The following TSPAN9 variants were observed in gnomAD, a reference collection of about 807,000 sequenced individuals.
TSPAN9 encodes tetraspanin-9.
Under a neutral mutation model 31.0 loss-of-function variants are expected in TSPAN9, and 16 were observed. That is an observed-to-expected ratio of 0.52 (90% CI 0.35 to 0.78). The LOEUF is 0.78. Ranked by LOEUF, TSPAN9 falls within the 30% of genes least tolerant of loss-of-function variation. TSPAN9 has a pLI of 0.01. For missense variants in TSPAN9, 272 were observed against 312.5 expected (o/e 0.87, Z 0.98); for synonymous variants, 145 against 121.6 (o/e 1.19, Z -1.27).
chr12:3,282,877 C>CTCTGTTCA (rs1388381133), intron 8 of TSPAN9, among the ~76,000 whole-genome samples, 168 bp from the exon 9 acceptor site: 5 of 152,226 alleles, frequency 3.3e-5, no homozygotes, highest in African/African-American at 9.7e-5. Flanking sequence ...CCAGGGTGAC[C>CTCTGTTCA]TCTGTTCACG....
At chr12:3,190,101 T>G (rs1257355517) in intron 2 of TSPAN9, among the ~76,000 whole-genome samples, 1 of 152,174 alleles carries the variant, frequency 6.6e-6, no homozygotes, top group Admixed American at 6.5e-5. Context: ...CACTGCCTTC[T>G]TCCACATTGG....
intron 2 of TSPAN9, among the ~76,000 whole-genome samples, chr12:3,138,564 C>T (rs1168382124): frequency 6.6e-6 from 1 of 151,718 alleles, no homozygotes; most frequent in African/African-American, 2.4e-5. Context: ...CTCAAGTGAT[C>T]CTCCCTCCTC....
In TSPAN9 at chr12:3,209,755, C is replaced by T. The variant is rs372191574; in HGVS notation, c.63+8499C>T. 2.4e-4 allele frequency among the ~76,000 whole-genome samples: 36 copies of T among 151,406 alleles called. No individual in the cohort carries two copies. In the East Asian group the frequency reaches 3.1e-3, roughly 13 times the overall value. ...CGGGCGGATCACGAGGTCAGGAGAT[C>T]GAGACCATCCTGGCTAACACGGTGA... is the stretch of plus-strand genomic sequence containing the variant. On this transcript the variant is annotated intron_variant, in intron 3 of 8. Coordinates refer to ENST00000011898, the MANE Select transcript of TSPAN9 (RefSeq NM_006675.5).
At chr12:3,079,263 GCCAC>G (rs2098296641) in intron 1 of TSPAN9, among the ~76,000 whole-genome samples, 1 of 151,112 alleles carries the variant, frequency 6.6e-6, no homozygotes, top group Admixed American at 6.6e-5. Context: ...ATAGGCGTGA[GCCAC>G]CGCATTGGCT....
At chr12:3,252,410 G>A (rs542939576) in intron 3 of TSPAN9, among the ~76,000 whole-genome samples, 1 of 152,360 alleles carries the variant, frequency 6.6e-6, no homozygotes, top group East Asian at 1.9e-4. Context: ...GCAGGTGTGT[G>A]CACAGGCCTG....
At position 3,278,564 on chromosome 12, in the gene TSPAN9, C is replaced by A. The variant is rs371616982; in HGVS notation, c.207C>A (p.Phe69Leu). 12 of 1,614,202 alleles carry A rather than the reference C, an allele frequency of 7.4e-6. No individual in the cohort carries two copies. The highest frequency in any genetic ancestry group is 1.0e-5 in the Non-Finnish European group (12 of 1,180,032). ...AIGTIVMVTG[F>L]LGCLGAIKEN... ...GCACCATTGTCATGGTGACGGGCTT[C>A]CTCGGCTGCCTGGGGGCCATCAAGG... The change falls in exon 4 of 9, where the codon TTC becomes TTA. Residue 69 changes from phenylalanine (F) to leucine (L), a missense_variant. Physicochemically the swap from Phe to Leu is conservative, Grantham distance 22. Coordinates refer to ENST00000011898, the MANE Select transcript of TSPAN9 (RefSeq NM_006675.5).
At chr12:3,239,533 T>A (rs112729800) in intron 3 of TSPAN9, among the ~76,000 whole-genome samples, 3 of 152,290 alleles carry the variant, frequency 2.0e-5, no homozygotes, top group Admixed American at 6.5e-5. Flanking sequence ...CCTTCCCCGC[T>A]CCACTGCCCG....
At chr12:3,086,784 A>T (rs923505635) in intron 2 of TSPAN9, among the ~76,000 whole-genome samples, 1 of 152,252 alleles carries the variant, frequency 6.6e-6, no homozygotes, top group African/African-American at 2.4e-5. Context: ...TCTTCAGGTT[A>T]CAAGCAAAAA....
chr12:3,154,758 G>A (rs777357192), intron 2 of TSPAN9, among the ~76,000 whole-genome samples: 10 of 152,288 alleles, frequency 6.6e-5, no homozygotes, highest in African/African-American at 9.6e-5. Flanking sequence ...GCCTGACTTC[G>A]GTCCTGTGAG....
At chr12:3,116,346 C>T (rs1015003826) in intron 2 of TSPAN9, among the ~76,000 whole-genome samples, 1 of 152,308 alleles carries the variant, frequency 6.6e-6, no homozygotes, top group Middle Eastern at 3.4e-3. Flanking sequence ...ACAGTTTTCT[C>T]ATTGGTAAAA....
intron 3 of TSPAN9, among the ~76,000 whole-genome samples, chr12:3,268,160 A>AGCCTGCCCTCCGTGAG (rs1565639161): frequency 7.7e-6 from 1 of 130,090 alleles, no homozygotes; most frequent in Non-Finnish European, 1.7e-5. Context: ...CCCTCCGTGC[A>AGCCTGCCCTCCGTGAG]TTCCTGCAGC....
chr12:3,134,542 G>A (rs1300721936), intron 2 of TSPAN9, among the ~76,000 whole-genome samples: 2 of 152,196 alleles, frequency 1.3e-5, no homozygotes, highest in Non-Finnish European at 2.9e-5. Context: ...GCTTGCCTCC[G>A]CTCGGGGCTG....
intron 3 of TSPAN9, among the ~76,000 whole-genome samples, chr12:3,262,378 T>C (rs551750882): frequency 6.6e-6 from 1 of 152,100 alleles, no homozygotes; most frequent in South Asian, 2.1e-4. Context: ...TGCTCTTTTT[T>C]TTTTTTTCTG....
At chr12:3,190,120 C>T (rs1165673485) in intron 2 of TSPAN9, among the ~76,000 whole-genome samples, 1 of 152,186 alleles carries the variant, frequency 6.6e-6, no homozygotes, top group Non-Finnish European at 1.5e-5. Flanking sequence ...GGCTCTAGTA[C>T]CAGCCCCGTA....
chr12:3,151,877 C>T (rs932489260), intron 2 of TSPAN9, among the ~76,000 whole-genome samples: 1 of 152,004 alleles, frequency 6.6e-6, no homozygotes, highest in African/African-American at 2.4e-5. Context: ...GAGCCGAGAT[C>T]GTGCTATTAC....
At chr12:3,146,183 AC>A (rs1429352479) in intron 2 of TSPAN9, among the ~76,000 whole-genome samples, 10 of 152,258 alleles carry the variant, frequency 6.6e-5, no homozygotes, top group African/African-American at 2.4e-4. Context: ...TAGATTTATG[AC>A]CCGTGGCCAT....
At chr12:3,269,626 C>T (rs1355987629) in intron 3 of TSPAN9, among the ~76,000 whole-genome samples, 1 of 152,002 alleles carries the variant, frequency 6.6e-6, no homozygotes, top group African/African-American at 2.4e-5. Context: ...GGATGGGAGA[C>T]AGCTGTGCCC....
intron 3 of TSPAN9, among the ~76,000 whole-genome samples, chr12:3,260,968 T>C (rs1464062894): frequency 6.6e-6 from 1 of 152,190 alleles, no homozygotes; most frequent in Non-Finnish European, 1.5e-5. Flanking sequence ...CCATATCCCT[T>C]GGGTTGTAGG....
intron 3 of TSPAN9, among the ~76,000 whole-genome samples, chr12:3,258,595 ACC>A (rs1862393286): frequency 6.6e-6 from 1 of 151,780 alleles, no homozygotes; most frequent in African/African-American, 2.4e-5. Context: ...TCTTGTGGAC[ACC>A]ATTTCTTATC....
Sources: allele counts gnomAD v4.1 joint callset (sites outside exome capture counted in the v4.1 genomes callset), GRCh38; gene constraint gnomAD v4.1.1; transcripts MANE v1.5; gene names NCBI Gene and HGNC (gene_info 2026-07-23, HGNC 2026-07-21).